SLC9B1: variants seen among roughly 807,000 people sequenced by gnomAD.
The protein encoded by SLC9B1 is solute carrier family 9 member B1.
A neutral mutation model predicts 51.7 loss-of-function variants in SLC9B1; 32 were observed. That is an observed-to-expected ratio of 0.62 (90% CI 0.47 to 0.83). The LOEUF is 0.83. Ranked by LOEUF, SLC9B1 falls within the 40% of genes least tolerant of loss-of-function variation. The pLI, the probability that SLC9B1 is intolerant of heterozygous loss-of-function variation, is 0.00. For synonymous variants in SLC9B1, 145 were observed against 212.7 expected, an observed-to-expected ratio of 0.68 and a Z score of 2.77; for missense variants, 406 against 613.2, an observed-to-expected ratio of 0.66 and a Z score of 3.57.
Position 102,946,644 on chromosome 4 carries a change from T to C in SLC9B1, c.525+3A>G, listed in dbSNP as rs1737282861. ...CTTACTCGATTTGTAATTGTAAATC[T>C]ACCTGTGGATCGAGTCCAAGCCCAG... is the stretch of plus-strand genomic sequence containing the variant. On this transcript the variant is annotated splice_donor_region_variant and intron_variant, in intron 5 of 11. Coordinates refer to ENST00000296422, the MANE Select transcript of SLC9B1 (RefSeq NM_139173.4). 3 of 1,601,128 alleles carry C rather than the reference T, an allele frequency of 1.9e-6. No individual in the cohort carries two copies. Among genetic ancestry groups the C allele is most frequent in the Non-Finnish European group, 2.5e-6 (3 of 1,176,876 alleles).
At chr4:102,948,611 C>T (rs1407444012) in intron 4 of SLC9B1, among the ~76,000 whole-genome samples, 2 of 152,106 alleles carry the variant, frequency 1.3e-5, no homozygotes, top group African/African-American at 4.8e-5. Flanking sequence ...GGTACATATA[C>T]ACCATGGAAT....
At chr4:102,919,616 C>T (rs141660165) in intron 7 of SLC9B1, among the ~76,000 whole-genome samples, 4,358 of 152,198 alleles carry the variant, frequency 0.029, 194 homozygotes, top group African/African-American at 0.1. Flanking sequence ...TCACCTCACC[C>T]GGGAAGCACA....
intron 1 of SLC9B1, among the ~76,000 whole-genome samples, chr4:103,014,393 CTTGT>C (rs1741219067): frequency 1.3e-5 from 2 of 152,256 alleles, no homozygotes; most frequent in Admixed American, 6.5e-5. Flanking sequence ...TATTTTAATC[CTTGT>C]TTAACTGTCA....
At chr4:103,017,861 G>A (rs1379066413) in intron 1 of SLC9B1, among the ~76,000 whole-genome samples, 1 of 152,150 alleles carries the variant, frequency 6.6e-6, no homozygotes, top group East Asian at 1.9e-4. Flanking sequence ...AACAACGCCT[G>A]ACAAAGTAGG....
chr4:102,891,196 A>G (rs1181279115), intron 11 of SLC9B1: 2 of 147,212 alleles, frequency 1.4e-5, no homozygotes, highest in South Asian at 4.1e-4. Context: ...TCTTCTTTTT[A>G]AAAAATTTTT....
At chr4:102,918,309 A>G in intron 7 of SLC9B1, among the ~76,000 whole-genome samples, 1 of 152,134 alleles carries the variant, frequency 6.6e-6, no homozygotes, top group Admixed American at 6.5e-5. Flanking sequence ...CCTAGGAGAA[A>G]TGAACAGATT....
intron 3 of SLC9B1, among the ~76,000 whole-genome samples, chr4:102,956,542 C>G (rs1737825151): frequency 6.6e-6 from 1 of 152,162 alleles, no homozygotes. Flanking sequence ...GCCTTACTAG[C>G]TTTAACATAA....
At chr4:102,921,179 G>C (rs1735855846) in intron 7 of SLC9B1, among the ~76,000 whole-genome samples, 1 of 152,186 alleles carries the variant, frequency 6.6e-6, no homozygotes, top group African/African-American at 2.4e-5. Flanking sequence ...AGGTTAGCCA[G>C]AAAGGGAAGC....
At chr4:102,996,057 T>C (rs1053545575) in intron 1 of SLC9B1, among the ~76,000 whole-genome samples, 1 of 152,214 alleles carries the variant, frequency 6.6e-6, no homozygotes, top group African/African-American at 2.4e-5. Flanking sequence ...TCTTTAATAT[T>C]ACTCAGATCT....
chr4:103,008,151 C>T (rs1239155968), intron 1 of SLC9B1, among the ~76,000 whole-genome samples: 1 of 152,200 alleles, frequency 6.6e-6, no homozygotes, highest in Non-Finnish European at 1.5e-5. Context: ...CATAAACACA[C>T]ATATATACAT....
At chr4:103,003,610 T>C (rs1297916452) in intron 1 of SLC9B1, among the ~76,000 whole-genome samples, 1 of 152,210 alleles carries the variant, frequency 6.6e-6, no homozygotes, top group Non-Finnish European at 1.5e-5. Flanking sequence ...CCTTTTGCAC[T>C]GCTGAGGCAG....
rs770517272 is a variant in SLC9B1, at chr4:102,949,290, T to G, written c.349A>C (p.Ile117Leu). Residue 117 changes from isoleucine (I) to leucine (L), a missense_variant, in exon 4 of 12, where the codon ATA becomes CTA. By Grantham distance (5) the Ile-to-Leu change is conservative (BLOSUM62 2). This residue lies in a region of SLC9B1 where 250 missense variants were observed against 394.1 expected (regional missense o/e 0.63). Coordinates refer to ENST00000296422, the MANE Select transcript of SLC9B1 (RefSeq NM_139173.4). ...IGGKILQLIR[I>L]PLVPPLPPLL... ...GGTGGAAGTGGAGGCACTAAAGGTA[T>G]TCTAATGAGTTGTAAAATTTTTCCC... The G allele has an allele frequency of 6.2e-7, 1 of 1,606,718 alleles. No homozygotes were observed. Among genetic ancestry groups the G allele is most frequent in the East Asian group, 2.2e-5 (1 of 44,710 alleles).
At chr4:102,939,230 A>T (rs1736870386) in intron 6 of SLC9B1, among the ~76,000 whole-genome samples, 1 of 151,816 alleles carries the variant, frequency 6.6e-6, no homozygotes, top group South Asian at 2.1e-4. Context: ...AGAAATACAA[A>T]AAACTCTCAG....
chr4:102,947,564 G>C (rs957873177), intron 4 of SLC9B1, among the ~76,000 whole-genome samples: 3 of 152,182 alleles, frequency 2.0e-5, no homozygotes, highest in East Asian at 1.9e-4. Flanking sequence ...TATTGCCCAG[G>C]CTGGTTTTGA....
intron 7 of SLC9B1, among the ~76,000 whole-genome samples, chr4:102,927,559 A>G (rs547278899): frequency 6.6e-4 from 101 of 152,338 alleles, no homozygotes; most frequent in Admixed American, 3.8e-3. Flanking sequence ...GGCAATCATT[A>G]AAAAGTCAGG....
At chr4:102,917,821 G>C (rs545080415) in intron 7 of SLC9B1, among the ~76,000 whole-genome samples, 4 of 152,200 alleles carry the variant, frequency 2.6e-5, no homozygotes, top group African/African-American at 9.6e-5. Context: ...TGTAATCCCA[G>C]CACTTTGGGA....
chr4:102,932,647 T>C (rs1037204251), intron 6 of SLC9B1, among the ~76,000 whole-genome samples: 1 of 152,170 alleles, frequency 6.6e-6, no homozygotes, highest in Admixed American at 6.5e-5. Context: ...CCCAGTAAGA[T>C]AAGAGACAGA....
chr4:102,897,769 A>G, downstream of SLC9B1: 1 of 484,008 alleles, frequency 2.1e-6, no homozygotes, highest in Non-Finnish European at 4.1e-6. Flanking sequence ...AGTCATGTCA[A>G]CACAGCTGTT....
At chr4:102,976,371 A>T (rs1263238148) in intron 3 of SLC9B1, among the ~76,000 whole-genome samples, 1 of 152,210 alleles carries the variant, frequency 6.6e-6, no homozygotes, top group Non-Finnish European at 1.5e-5. Context: ...CTGAAATTCA[A>T]AGATATTATC....
Sources: allele counts gnomAD v4.1 joint callset (sites outside exome capture counted in the v4.1 genomes callset), GRCh38; gene constraint gnomAD v4.1.1; regional missense constraint gnomAD v4.1.1; transcripts MANE v1.5; gene names NCBI Gene and HGNC (gene_info 2026-07-23, HGNC 2026-07-21).